FABP9: variants seen among roughly 807,000 people sequenced by gnomAD.
The protein encoded by FABP9 is fatty acid binding protein 9.
Under a neutral mutation model 14.7 loss-of-function variants are expected in FABP9, and 11 were observed. The observed-to-expected ratio is 0.75, with a 90% confidence interval of 0.47 to 1.24. The LOEUF (loss-of-function observed/expected upper bound fraction) is 1.24, where lower values mean the gene tolerates loss of function less well. Among genes scored for constraint, FABP9 ranks in the 50% most tolerant of loss-of-function variants. The pLI, the probability that FABP9 is intolerant of heterozygous loss-of-function variation, is 0.00. For synonymous variants in FABP9, 54 were observed against 50.6 expected (o/e 1.07, Z -0.29); for missense variants, 171 against 158.2 (o/e 1.08, Z -0.44).
In FABP9 at chr8:81,460,402, C is replaced by T. The variant is rs1024305581; in HGVS notation, c.73+1049G>A. ...CTTGTATTATGCCTAAACCCAGCTC[C>T]CAGTCAACACAAGTGCTACTCTGGC... On this transcript the variant is annotated intron_variant, in intron 1 of 3. Transcript: ENST00000379071. 2.0e-5 allele frequency among the ~76,000 whole-genome samples: 3 copies of T among 152,184 alleles called. No individual in the cohort carries two copies. The East Asian group carries it at 5.8e-4, about 29-fold the overall frequency.
intron 1 of FABP9, among the ~76,000 whole-genome samples, chr8:81,460,340 G>T (rs1807672365): frequency 6.6e-6 from 1 of 152,120 alleles, no homozygotes; most frequent in South Asian, 2.1e-4. Context: ...GGTTAGCATG[G>T]TACTGGCACA....
intron 1 of FABP9, among the ~76,000 whole-genome samples, chr8:81,459,723 G>A (rs1807659103): frequency 6.6e-6 from 1 of 152,150 alleles, no homozygotes. Context: ...CTTGACTCCT[G>A]CAGTTGGTGG....
intron 1 of FABP9, 61 bp downstream of exon 1, chr8:81,461,390 C>T (rs1807690625): frequency 1.8e-6 from 2 of 1,130,890 alleles, no homozygotes; most frequent in African/African-American, 3.1e-5. Flanking sequence ...TGGTAAAGTA[C>T]AAACCCAATC....
At chr8:81,460,597 G>A (rs900681619) in intron 1 of FABP9, among the ~76,000 whole-genome samples, 1 of 152,038 alleles carries the variant, frequency 6.6e-6, no homozygotes, top group Non-Finnish European at 1.5e-5. Context: ...ACTTATTATG[G>A]GGATAAGGCA....
At chr8:81,459,769 A>G (rs962184991) in intron 1 of FABP9, among the ~76,000 whole-genome samples, 3 of 152,170 alleles carry the variant, frequency 2.0e-5, no homozygotes, top group African/African-American at 4.8e-5. Context: ...CCTGATATCA[A>G]ACTCCATTTC....
chr8:81,458,940 C>T (rs1424040786), intron 2 of FABP9, among the ~76,000 whole-genome samples: 2 of 152,116 alleles, frequency 1.3e-5, no homozygotes, highest in Non-Finnish European at 2.9e-5. Flanking sequence ...TGTGCTCTTT[C>T]ATATGACAAA....
chr8:81,459,964 T>C (rs965695832), intron 1 of FABP9, among the ~76,000 whole-genome samples: 2 of 150,494 alleles, frequency 1.3e-5, no homozygotes, highest in African/African-American at 5.0e-5. Flanking sequence ...GATAACTGTA[T>C]ACTTGACCTC....
intron 2 of FABP9, among the ~76,000 whole-genome samples, 164 bp downstream of exon 2, chr8:81,459,001 T>C (rs374067959): frequency 1.3e-5 from 2 of 152,220 alleles, no homozygotes; most frequent in Admixed American, 6.5e-5. Flanking sequence ...AGCCCTATTG[T>C]TAACCATCAA....
intron 1 of FABP9, 145 bp from the exon 2 acceptor site, chr8:81,459,482 G>A (rs931970222): frequency 1.5e-6 from 1 of 681,602 alleles, no homozygotes; most frequent in Non-Finnish European, 2.3e-6. Context: ...GTGATATCAG[G>A]GCTGAGCTAG....
In FABP9 at chr8:81,461,486, G is replaced by A. The variant is rs751474522; in HGVS notation, c.38C>T (p.Ser13Phe). 5 of 1,613,596 alleles carry A rather than the reference G, an allele frequency of 3.1e-6. No individual in the cohort carries two copies. The African/African-American group carries it at 4.0e-5, about 13-fold the overall frequency. The part of the protein sequence containing the change: ...EPFLGTWKLV[S>F]SENFEDYMKE... ...CATGTAATCCTCAAAGTTTTCACTG[G>A]AGACCAGCTTCCAGGTTCCCAAGAA... Residue 13 changes from serine (S) to phenylalanine (F), a missense_variant, in exon 1 of 4, where the codon TCC becomes TTC. Transcript: ENST00000379071.
chr8:81,460,177 T>C (rs941122609), intron 1 of FABP9, among the ~76,000 whole-genome samples: 24 of 152,212 alleles, frequency 1.6e-4, no homozygotes, highest in African/African-American at 5.3e-4. Flanking sequence ...TTTTTGTATT[T>C]TTAGTAGAGA....
chr8:81,458,544 CTT>C, intron 3 of FABP9, 56 bp downstream of exon 3: 1 of 1,501,480 alleles, frequency 6.7e-7, no homozygotes, highest in Non-Finnish European at 9.3e-7. Flanking sequence ...AATTGAATAA[CTT>C]GAAAGGCATG....
At chr8:81,461,352 A>G in intron 1 of FABP9, 99 bp downstream of exon 1, 1 of 880,424 alleles carries the variant, frequency 1.1e-6, no homozygotes, top group Non-Finnish European at 1.9e-6. Context: ...CTAGGATCAC[A>G]AAAGGAAGAT....
chr8:81,461,012 C>T (rs150707246), intron 1 of FABP9, among the ~76,000 whole-genome samples: 1,543 of 152,210 alleles, frequency 0.01, 25 homozygotes, highest in African/African-American at 0.034. Flanking sequence ...TAAAAATTAA[C>T]CAACTAGAAA....
rs745881999 is a variant in FABP9 at position 81,458,480 on chromosome 8, A to G, written c.349-47T>C. 4 of 1,543,726 alleles carry G rather than the reference A, an allele frequency of 2.6e-6. No homozygotes were observed. The African/African-American group carries it at 4.1e-5, about 16-fold the overall frequency. On this transcript the variant is annotated intron_variant, in intron 3 of 3. Transcript: ENST00000379071. The stretch of plus-strand genomic sequence containing the variant: ...TTAGAGCTGGTAGATAACAGGCTAA[A>G]CTTGCCCTGCCCCTTTCTCCTCAGA...
At position 81,461,535 on chromosome 8, in the gene FABP9, T is replaced by C; in HGVS notation, c.-12A>G. On this transcript the variant is annotated 5_prime_UTR_variant, in exon 1 of 4. Coordinates refer to ENST00000379071, the MANE Select transcript of FABP9 (RefSeq NM_001080526.2). ...AAGGGCTCAACCATCATGGAACACT[T>C]GCTGAGAAGAGCCACTCGTAATTGA... 1 of 1,609,480 alleles carries C rather than the reference T, an allele frequency of 6.2e-7. No homozygotes were observed. The highest frequency in any genetic ancestry group is 8.5e-7 in the Non-Finnish European group (1 of 1,175,900).
chr8:81,460,815 C>CA (rs1239927662), intron 1 of FABP9, among the ~76,000 whole-genome samples: 2 of 152,098 alleles, frequency 1.3e-5, no homozygotes, highest in African/African-American at 4.8e-5. Context: ...AGCTATTATA[C>CA]ACCCAAGTCA....
chr8:81,458,273 A>T lies in FABP9; in HGVS notation c.*110T>A. The T allele has an allele frequency of 2.4e-6, 2 of 824,070 alleles. No homozygotes were observed. The highest frequency in any genetic ancestry group is 3.1e-5 in the South Asian group (2 of 63,960). The allele number at this position is 824,070 out of a possible 1,614,324, so 51.0% of individuals were successfully genotyped here. On this transcript the variant is annotated 3_prime_UTR_variant, in exon 4 of 4. Coordinates refer to ENST00000379071, the MANE Select transcript of FABP9 (RefSeq NM_001080526.2). ...CTGCACTTAATTTGATGCTTTTATT[A>T]AGCAAATTTATATTGAGACATTTTT...
rs778815768 is a variant in FABP9 at position 81,459,315 on chromosome 8, G to A, written c.96C>T (p.Asn32=). 6 of 1,534,870 alleles carry A rather than the reference G, an allele frequency of 3.9e-6. No homozygotes were observed. The highest frequency in any genetic ancestry group is 5.2e-6 in the Non-Finnish European group (6 of 1,151,800). ...KELGVNFAAR[N]MAGLVKPTVT... ...CTGTCGGTTTCACTAACCCTGCCAT[G>A]TTCCGGGCTGCGAAATTCACTCCTA... Residue 32 remains asparagine, a synonymous_variant, in exon 2 of 4, where the codon AAC becomes AAT. Coordinates refer to ENST00000379071, the MANE Select transcript of FABP9 (RefSeq NM_001080526.2).
Sources: gnomAD v4.1 joint callset for allele counts (sites outside exome capture counted in the v4.1 genomes callset) on GRCh38, gnomAD v4.1.1 for gene constraint, MANE v1.5 for transcripts, NCBI Gene and HGNC (gene_info 2026-07-23, HGNC 2026-07-21) for gene names.